EBF1: variants seen among roughly 807,000 people sequenced by gnomAD.
EBF1 encodes the protein transcription factor COE1.
In EBF1, 10 loss-of-function variants were observed where a neutral mutation model predicts 68.4. That is an observed-to-expected ratio of 0.15 (90% CI 0.09 to 0.25). The LOEUF (loss-of-function observed/expected upper bound fraction) is 0.25, where lower values mean the gene tolerates loss of function less well. Ranked by LOEUF, EBF1 falls within the 10% of genes least tolerant of loss-of-function variation. EBF1 has a pLI of 1.00. For missense variants in EBF1, 509 were observed against 794.4 expected, an observed-to-expected ratio of 0.64 and a Z score of 4.32; for synonymous variants, 298 against 299.8, an observed-to-expected ratio of 0.99 and a Z score of 0.06.
chr5:158,700,616 C>A lies in EBF1; in HGVS notation c.1745-1474G>T, dbSNP rs567299290. Among the ~76,000 whole-genome samples the A allele has an allele frequency of 2.0e-4, 28 of 140,898 alleles. 1 individual carries two copies. The South Asian group carries it at 4.1e-3, about 21-fold the overall frequency. The allele number at this position is 140,898 out of a possible 152,430, so 92.4% of individuals were successfully genotyped here. ...CAAGACCCCCACGTTCCTCCGGCTTCCCCACCCCCACCCCTGGTATTTTAG... is the reference window on the plus strand; with the variant it reads ...CAAGACCCCCACGTTCCTCCGGCTTACCCACCCCCACCCCTGGTATTTTAG... On this transcript the variant is annotated intron_variant, in intron 15 of 15. Transcript: ENST00000313708.
intron 6 of EBF1, among the ~76,000 whole-genome samples, chr5:158,964,680 G>A (rs1413913761): frequency 1.0e-5 from 1 of 96,742 alleles, no homozygotes; most frequent in Non-Finnish European, 2.0e-5. Flanking sequence ...GAAATTCTCT[G>A]AGCTGAGCTT....
At chr5:158,850,884 G>A (rs1291085317) in intron 6 of EBF1, among the ~76,000 whole-genome samples, 9 of 151,922 alleles carry the variant, frequency 5.9e-5, no homozygotes, top group Non-Finnish European at 1.2e-4. Flanking sequence ...GCGGGCACCT[G>A]AAATCCCAGC....
chr5:158,787,634 A>G (rs937628566), intron 9 of EBF1, among the ~76,000 whole-genome samples: 1 of 152,200 alleles, frequency 6.6e-6, no homozygotes, highest in African/African-American at 2.4e-5. Context: ...CCTTGTCAAT[A>G]ATCAGCTGTG....
intron 6 of EBF1, among the ~76,000 whole-genome samples, chr5:159,032,545 A>C (rs1454394625): frequency 6.6e-6 from 1 of 152,206 alleles, no homozygotes; most frequent in African/African-American, 2.4e-5. Flanking sequence ...TCTCTTTTCT[A>C]TACATTGTTA....
chr5:158,795,043 C>G (rs955724295), intron 9 of EBF1, among the ~76,000 whole-genome samples: 2 of 152,174 alleles, frequency 1.3e-5, no homozygotes, highest in African/African-American at 2.4e-5. Flanking sequence ...AAGGCAGCAG[C>G]AGCACAAGCT....
At chr5:158,731,047 T>C in intron 11 of EBF1, 22 bp downstream of exon 11, 4 of 1,603,848 alleles carry the variant, frequency 2.5e-6, no homozygotes, top group Non-Finnish European at 3.4e-6. Context: ...TTTCAGGAAT[T>C]ACAAAAAGGC....
chr5:159,044,507 C>A (rs1771921069), intron 6 of EBF1, among the ~76,000 whole-genome samples: 2 of 152,088 alleles, frequency 1.3e-5, no homozygotes, highest in South Asian at 2.1e-4. Context: ...GGACTCAGGA[C>A]AAATAAAAAT....
chr5:158,756,264 AT>A (rs980939255), intron 10 of EBF1, among the ~76,000 whole-genome samples: 59 of 146,650 alleles, frequency 4.0e-4, no homozygotes, highest in South Asian at 4.3e-4. Context: ...AAGTGTGAGA[AT>A]TTTTTTTTTT....
In EBF1 at chr5:158,698,955, G is replaced by A. The variant is rs1050798872; in HGVS notation, c.*156C>T. ...GATCCCTCTTCCAATTTCAGTATTT[G>A]CAAGGTCGGTGATTTTGTTTGTTTA... On this transcript the variant is annotated 3_prime_UTR_variant, in exon 16 of 16. Transcript: ENST00000313708. The A allele has an allele frequency of 6.9e-6, 4 of 583,048 alleles. No individual in the cohort carries two copies. The highest frequency in any genetic ancestry group is 1.9e-5 in the African/African-American group (1 of 51,414). The allele number at this position is 583,048 out of a possible 1,614,324, so 36.1% of individuals were successfully genotyped here. A position where few individuals can be genotyped will look rare whatever the true frequency, so the allele number is the denominator to read the frequency against.
chr5:158,922,923 T>C (rs1808758010), intron 6 of EBF1, among the ~76,000 whole-genome samples: 1 of 152,252 alleles, frequency 6.6e-6, no homozygotes, highest in Non-Finnish European at 1.5e-5. Flanking sequence ...CAATGGACTT[T>C]TTGAGAATTC....
intron 8 of EBF1, among the ~76,000 whole-genome samples, chr5:158,801,848 G>A (rs116648024): frequency 0.012 from 1,766 of 152,218 alleles, 26 homozygotes; most frequent in African/African-American, 0.04. Flanking sequence ...GCCCTCGGTA[G>A]TTTAAAATTT....
chr5:158,993,510 A>C (rs1160820338), intron 6 of EBF1, among the ~76,000 whole-genome samples: 2 of 152,226 alleles, frequency 1.3e-5, no homozygotes, highest in African/African-American at 4.8e-5. Flanking sequence ...ACTCACAGGC[A>C]TAGCAATGGT....
chr5:158,795,597 A>G (rs1779473058), intron 9 of EBF1, among the ~76,000 whole-genome samples: 1 of 152,188 alleles, frequency 6.6e-6, no homozygotes, highest in Non-Finnish European at 1.5e-5. Flanking sequence ...TGGCTAAGAA[A>G]CTGGGGCTCA....
chr5:158,961,151 AC>A (rs1561636844), intron 6 of EBF1, among the ~76,000 whole-genome samples: 1 of 152,216 alleles, frequency 6.6e-6, no homozygotes, highest in Non-Finnish European at 1.5e-5. Flanking sequence ...CCAAGTTGGT[AC>A]AAGTTTCTAA....
chr5:159,033,722 G>A (rs1769428864), intron 6 of EBF1, among the ~76,000 whole-genome samples: 1 of 152,138 alleles, frequency 6.6e-6, no homozygotes, highest in South Asian at 2.1e-4. Flanking sequence ...TTGCCCCAAA[G>A]TTTACAAATG....
At chr5:158,956,754 CT>C (rs397883009) in intron 6 of EBF1, among the ~76,000 whole-genome samples, 2,208 of 112,796 alleles carry the variant, frequency 0.02, 18 homozygotes, top group African/African-American at 0.073. Flanking sequence ...ACCAACACTT[CT>C]TTTTTTTTTT....
At chr5:158,808,983 T>A (rs776758759) in intron 8 of EBF1, among the ~76,000 whole-genome samples, 1 of 152,154 alleles carries the variant, frequency 6.6e-6, no homozygotes. Flanking sequence ...ACTCTTCCTA[T>A]CTTTCCCATT....
intron 11 of EBF1, among the ~76,000 whole-genome samples, chr5:158,715,147 G>A (rs1195588506): frequency 6.6e-6 from 1 of 152,200 alleles, no homozygotes; most frequent in Admixed American, 6.5e-5. Flanking sequence ...GCTTGTCAGA[G>A]AACCAAACGT....
At chr5:158,716,669 T>C (rs544736399) in intron 11 of EBF1, among the ~76,000 whole-genome samples, 1 of 152,342 alleles carries the variant, frequency 6.6e-6, no homozygotes, top group African/African-American at 2.4e-5. Context: ...GGGTCCTCCA[T>C]GAGTTAGTGC....
Sources: allele counts gnomAD v4.1 joint callset (sites outside exome capture counted in the v4.1 genomes callset), GRCh38; gene constraint gnomAD v4.1.1; transcripts MANE v1.5; gene names NCBI Gene and HGNC (gene_info 2026-07-23, HGNC 2026-07-21).